Variants in RNF32 observed in about 807,000 individuals in gnomAD.
RNF32 encodes ring finger protein 32.
Under a neutral mutation model 41.0 loss-of-function variants are expected in RNF32, and 36 were observed. The ratio of observed to expected loss-of-function variants is 0.88; its 90% CI spans 0.67 to 1.16. RNF32 has a LOEUF of 1.16. RNF32 is among the 50% of genes most tolerant of loss of function. RNF32 has a pLI of 0.00. For missense variants in RNF32, 413 were observed against 436.7 expected, an observed-to-expected ratio of 0.95 and a Z score of 0.48; for synonymous variants, 154 against 160.9, an observed-to-expected ratio of 0.96 and a Z score of 0.32.
chr7:156,658,678 G>T, intron 7 of RNF32, 108 bp downstream of exon 7: 1 of 826,802 alleles, frequency 1.2e-6, no homozygotes, highest in Non-Finnish European at 1.9e-6. Flanking sequence ...ACTTCACTTT[G>T]AGGGCTTTTT....
chr7:156,672,845 T>C (rs1207828855), intron 7 of RNF32, among the ~76,000 whole-genome samples: 1 of 152,248 alleles, frequency 6.6e-6, no homozygotes, highest in African/African-American at 2.4e-5. Flanking sequence ...GAATGATAAC[T>C]AATGCTGTGT....
rs140652752 is a variant in RNF32 at position 156,655,352 on chromosome 7, C to T, written c.417+634C>T. 4.4e-3 allele frequency among the ~76,000 whole-genome samples: 663 copies of T among 152,036 alleles called. 1 individual carries two copies. Among genetic ancestry groups the T allele is most frequent in the Non-Finnish European group, 7.3e-3 (494 of 67,988 alleles). On this transcript the variant is annotated intron_variant, in intron 4 of 8. Transcript: ENST00000317955. ...TTCTATACATATTTTGTCTGCCTAA[C>T]TAAACTATTGTCCCCTGAAGTTGGG...
chr7:156,674,187 T>C (rs2131720008), intron 7 of RNF32, among the ~76,000 whole-genome samples: 1 of 152,306 alleles, frequency 6.6e-6, no homozygotes, highest in East Asian at 1.9e-4. Flanking sequence ...ACAGTTCAGG[T>C]GTCCTGGCTT....
At chr7:156,671,292 T>C (rs1802444661) in intron 7 of RNF32, among the ~76,000 whole-genome samples, 1 of 152,328 alleles carries the variant, frequency 6.6e-6, no homozygotes, top group African/African-American at 2.4e-5. Context: ...AGATTATGTA[T>C]GTGTTACTCA....
intron 7 of RNF32, among the ~76,000 whole-genome samples, chr7:156,671,593 G>C (rs1034798215): frequency 7.2e-5 from 11 of 152,204 alleles, no homozygotes; most frequent in African/African-American, 2.7e-4. Context: ...TATAAGTTCA[G>C]CTTCTAGATT....
In RNF32 at chr7:156,675,994, G is replaced by A. The variant is rs73741505; in HGVS notation, c.852+131G>A. On this transcript the variant is annotated intron_variant, in intron 8 of 8. Transcript: ENST00000317955. The stretch of plus-strand genomic sequence containing the variant: ...GGAGTGTCAGGCCCGGGGTGCAGCC[G>A]TGGAGGCTGTGGGGGTGGCATGTCG... 6.9e-3 allele frequency: 6,553 copies of A among 947,108 alleles called. 236 individuals are homozygous for A. In the African/African-American group the frequency reaches 0.083, roughly 12 times the overall value. The allele number at this position is 947,108 out of a possible 1,614,324, so 58.7% of individuals were successfully genotyped here.
chr7:156,662,993 G>A (rs1800859759), intron 7 of RNF32, among the ~76,000 whole-genome samples: 2 of 151,740 alleles, frequency 1.3e-5, no homozygotes, highest in South Asian at 2.1e-4. Context: ...GACTACAGGC[G>A]CCCACCACCA....
At chr7:156,640,955 G>A (rs893170186) in intron 1 of RNF32, 144 bp downstream of exon 1, 6 of 177,726 alleles carry the variant, frequency 3.4e-5, no homozygotes, top group African/African-American at 1.4e-4. Flanking sequence ...TGTGAGGCGA[G>A]GTCGGGTCCC....
upstream of RNF32, chr7:156,640,595 T>G (rs1020469785): frequency 2.4e-6 from 1 of 408,364 alleles, no homozygotes; most frequent in Non-Finnish European, 4.8e-6. Flanking sequence ...CGCAGTGTGG[T>G]GTGGACAGGG....
At chr7:156,650,375 G>T (rs891442236) in intron 3 of RNF32, among the ~76,000 whole-genome samples, 1 of 152,186 alleles carries the variant, frequency 6.6e-6, no homozygotes, top group Non-Finnish European at 1.5e-5. Flanking sequence ...TTGGCAAAGG[G>T]TAGCAAGACT....
In RNF32 at chr7:156,671,646, C is replaced by T. The variant is rs73744309; in HGVS notation, c.685-4050C>T. On this transcript the variant is annotated intron_variant, in intron 7 of 8. Transcript: ENST00000317955. ...GTTTGTCACTGGGTGTACTGCAGGA[C>T]GCCGATGTTTGCGGTACAGGCGGTC... Among the ~76,000 whole-genome samples, 61 of 150,936 alleles carry T rather than the reference C, an allele frequency of 4.0e-4. 1 individual carries two copies. Among genetic ancestry groups the T allele is most frequent in the African/African-American group, 1.3e-3 (54 of 41,410 alleles).
At position 156,674,695 on chromosome 7, in the gene RNF32, C is replaced by CA. The variant is rs113150038; in HGVS notation, c.685-993dup. 6.4e-3 allele frequency among the ~76,000 whole-genome samples: 963 copies of CA among 151,446 alleles called. 17 individuals are homozygous for CA. Among genetic ancestry groups the CA allele is most frequent in the African/African-American group, 0.022 (907 of 41,316 alleles). ...TCTCCACCAAACCAAACAAAAATACCAAAAAAAACAAAGTACTGTATTCAA... is the reference window on the plus strand; with the variant it reads ...TCTCCACCAAACCAAACAAAAATACCAAAAAAAAACAAAGTACTGTATTCAA... On this transcript the variant is annotated intron_variant, in intron 7 of 8. Coordinates refer to ENST00000317955, the MANE Select transcript of RNF32 (RefSeq NM_030936.4).
intron 7 of RNF32, among the ~76,000 whole-genome samples, chr7:156,661,533 C>T (rs955531826): frequency 2.0e-5 from 3 of 152,278 alleles, no homozygotes; most frequent in Middle Eastern, 3.4e-3. Context: ...GTTGGCCAGG[C>T]AGGTCCTGAA....
At chr7:156,658,020 A>T in intron 5 of RNF32, 108 bp from the exon 6 acceptor site, 1 of 1,175,450 alleles carries the variant, frequency 8.5e-7, no homozygotes, top group Admixed American at 2.1e-5. Context: ...GCTAAGTCTC[A>T]TAGTTATGGG....
At chr7:156,653,018 G>A (rs1038482595) in intron 3 of RNF32, among the ~76,000 whole-genome samples, 1 of 152,178 alleles carries the variant, frequency 6.6e-6, no homozygotes, top group Non-Finnish European at 1.5e-5. Flanking sequence ...TAAATTTAGT[G>A]TAGCGTAAGT....
intron 3 of RNF32, among the ~76,000 whole-genome samples, chr7:156,647,928 G>C (rs1453540103): frequency 6.6e-6 from 1 of 152,088 alleles, no homozygotes; most frequent in Non-Finnish European, 1.5e-5. Context: ...TTTCCCTGAT[G>C]ACGAGTGACG....
chr7:156,671,676 C>T (rs1802571461), intron 7 of RNF32, among the ~76,000 whole-genome samples: 1 of 152,146 alleles, frequency 6.6e-6, no homozygotes, highest in Non-Finnish European at 1.5e-5. Flanking sequence ...GCGGTCCTGT[C>T]GCCCAGCTCA....
intron 7 of RNF32, chr7:156,658,917 G>A (rs1585052558): frequency 6.5e-7 from 1 of 1,546,060 alleles, no homozygotes; most frequent in Non-Finnish European, 8.7e-7. Context: ...ATATGTAAAT[G>A]AAGACATCTG....
At chr7:156,649,261 T>C (rs534761467) in intron 3 of RNF32, among the ~76,000 whole-genome samples, 2 of 152,350 alleles carry the variant, frequency 1.3e-5, no homozygotes, top group African/African-American at 4.8e-5. Context: ...TACAGTGTTA[T>C]CATCTGATCC....
Sources: gnomAD v4.1 joint callset for allele counts (sites outside exome capture counted in the v4.1 genomes callset) on GRCh38, gnomAD v4.1.1 for gene constraint, MANE v1.5 for transcripts, NCBI Gene and HGNC (gene_info 2026-07-23, HGNC 2026-07-21) for gene names.